The following PTPN21 variants were observed in gnomAD, a reference collection of about 807,000 sequenced individuals.
The protein encoded by PTPN21 is protein tyrosine phosphatase non-receptor type 21.
A neutral mutation model predicts 131.8 loss-of-function variants in PTPN21; 77 were observed. That is an observed-to-expected ratio of 0.58 (90% confidence interval 0.49 to 0.71). The LOEUF (loss-of-function observed/expected upper bound fraction) is 0.71. Among genes scored for constraint, PTPN21 ranks in the 30% least tolerant of loss-of-function variants. PTPN21 has a pLI of 0.00. For synonymous variants in PTPN21, 715 were observed against 621.3 expected (o/e 1.15, Z -2.24); for missense variants, 1,552 against 1,527.1 (o/e 1.02, Z -0.27).
rs182603633 is a variant in PTPN21, at chr14:88,496,352, T to G, written c.932+61A>C. The G allele has an allele frequency of 4.3e-5, 60 of 1,404,564 alleles. No individual in the cohort carries two copies. The East Asian group carries it at 1.4e-3, about 32-fold the overall frequency. The allele number at this position is 1,404,564 out of a possible 1,614,324, so 87.0% of individuals were successfully genotyped here. Reference sequence around the variant, plus strand: ...TGTCTTTCTTGATGATACAGTATACTCAAGATTACAATTTCTAAATTCATT... The same window carrying G: ...TGTCTTTCTTGATGATACAGTATACGCAAGATTACAATTTCTAAATTCATT... On this transcript the variant is annotated intron_variant, in intron 10 of 18. Transcript: ENST00000556564.
At chr14:88,527,695 T>C (rs1374094481) in intron 2 of PTPN21, among the ~76,000 whole-genome samples, 1 of 152,220 alleles carries the variant, frequency 6.6e-6, no homozygotes, top group African/African-American at 2.4e-5. Flanking sequence ...TTGCTGCATT[T>C]GTTTTTGGGT....
rs189995854 is a variant in PTPN21 at position 88,502,577 on chromosome 14, T to C, written c.588-1209A>G. 1.1e-3 allele frequency among the ~76,000 whole-genome samples: 175 copies of C among 152,304 alleles called. 4 individuals carry two copies. The highest frequency in any genetic ancestry group is 4.0e-3 in the African/African-American group (165 of 41,580). ...AGAAATTATTCTATTTATCTTTGTG[T>C]CATAGCATCCAGCACTCTTCCTCTG... On this transcript the variant is annotated intron_variant, in intron 6 of 18. Coordinates refer to ENST00000556564, the MANE Select transcript of PTPN21 (RefSeq NM_007039.4).
At chr14:88,522,427 C>CAAAAAAA (rs1177147324) in intron 2 of PTPN21, among the ~76,000 whole-genome samples, 5 of 42,182 alleles carry the variant, frequency 1.2e-4, no homozygotes, top group African/African-American at 2.5e-4. Context: ...AAGACTGTCT[C>CAAAAAAA]AAAAAAAAAA....
chr14:88,472,743 G>A (rs2077490663), intron 14 of PTPN21, among the ~76,000 whole-genome samples: 1 of 152,122 alleles, frequency 6.6e-6, no homozygotes, highest in Non-Finnish European at 1.5e-5. Context: ...GGTGGTGCAT[G>A]CCTGTGGTCC....
chr14:88,484,133 C>T (rs917675379), intron 12 of PTPN21, among the ~76,000 whole-genome samples: 1 of 151,878 alleles, frequency 6.6e-6, no homozygotes, highest in African/African-American at 2.4e-5. Flanking sequence ...AACCTCCACC[C>T]CCACCTTGGG....
chr14:88,469,166 G>C lies in PTPN21; in HGVS notation c.3236-90C>G. ...TCTTCATATTCTCTCCACTGATTAAGAGGACTGCAGATAAAGAGCACTGGG... is the reference window on the plus strand; with the variant it reads ...TCTTCATATTCTCTCCACTGATTAACAGGACTGCAGATAAAGAGCACTGGG... On this transcript the variant is annotated intron_variant, in intron 17 of 18. Transcript: ENST00000556564. This position sits in a 1 kb window ranked among gnomAD's most constrained non-coding sequence, Gnocchi z 4.3. 1.4e-6 allele frequency: 2 copies of C among 1,379,596 alleles called. No homozygotes were observed. The highest frequency in any genetic ancestry group is 2.0e-6 in the Non-Finnish European group (2 of 1,016,308). The allele number at this position is 1,379,596 out of a possible 1,614,324, so 85.5% of individuals were successfully genotyped here. A position where few individuals can be genotyped will look rare whatever the true frequency, so the allele number is the denominator to read the frequency against.
intron 1 of PTPN21, chr14:88,552,637 T>C (rs2078884225): frequency 6.6e-6 from 1 of 152,196 alleles, no homozygotes; most frequent in African/African-American, 2.4e-5. Flanking sequence ...CCTAAAGCAC[T>C]GTGTTAATTA....
chr14:88,493,049 G>T, intron 10 of PTPN21: 2 of 456,240 alleles, frequency 4.4e-6, no homozygotes, highest in South Asian at 3.1e-5. Context: ...ACAGGCTCGA[G>T]TCTTGCTGCT....
intron 15 of PTPN21, 94 bp from the exon 16 acceptor site, chr14:88,470,144 TA>T (rs1566805123): frequency 3.3e-6 from 4 of 1,222,382 alleles, no homozygotes; most frequent in South Asian, 1.4e-5. Context: ...AAAGTTTTTT[TA>T]AAAAAGTAAA....
intron 10 of PTPN21, among the ~76,000 whole-genome samples, chr14:88,495,532 T>C (rs2077898376): frequency 6.6e-6 from 1 of 152,082 alleles, no homozygotes; most frequent in African/African-American, 2.4e-5. Flanking sequence ...TGGTGGCGCA[T>C]GCCTGTAATC....
At position 88,480,092 on chromosome 14, in the gene PTPN21, G is replaced by A. The variant is rs551963846; in HGVS notation, c.1339C>T (p.Pro447Ser). 5.0e-6 allele frequency: 8 copies of A among 1,614,214 alleles called. No homozygotes were observed. The African/African-American group carries it at 6.7e-5, about 13-fold the overall frequency. Residue 447 changes from proline (P) to serine (S), a missense_variant, in exon 13 of 19, where the codon CCC (proline) becomes TCC (serine). By Grantham distance (74) the Pro-to-Ser change is moderately conservative. Coordinates refer to ENST00000556564, the MANE Select transcript of PTPN21 (RefSeq NM_007039.4). ...HSAVIPPSYR[P>S]TPDYETVMKQ... ...ATCACAGTCTCATAGTCTGGGGTGGGGCGGTAGGACGGGGGTATCACGGCG... is the reference window on the plus strand; with the variant it reads ...ATCACAGTCTCATAGTCTGGGGTGGAGCGGTAGGACGGGGGTATCACGGCG...
chr14:88,491,840 G>C (rs1296207050), intron 10 of PTPN21, among the ~76,000 whole-genome samples: 1 of 152,110 alleles, frequency 6.6e-6, no homozygotes, highest in Non-Finnish European at 1.5e-5. Context: ...ATTTTAAAAA[G>C]ATTCAGGTGT....
At chr14:88,527,619 C>T in intron 2 of PTPN21, among the ~76,000 whole-genome samples, 1 of 152,190 alleles carries the variant, frequency 6.6e-6, no homozygotes, top group Non-Finnish European at 1.5e-5. Context: ...TCTGTTTACT[C>T]TACTGATTAC....
chr14:88,473,620 G>A (rs773999764), intron 14 of PTPN21, 45 bp downstream of exon 14: 19 of 1,575,564 alleles, frequency 1.2e-5, no homozygotes, highest in South Asian at 3.6e-5. Flanking sequence ...AGTATTTACC[G>A]GTTGTTCCAG....
chr14:88,482,312 G>A (rs574020968), intron 12 of PTPN21, among the ~76,000 whole-genome samples: 9 of 152,180 alleles, frequency 5.9e-5, no homozygotes, highest in African/African-American at 2.2e-4. Flanking sequence ...GTGGAGTCTC[G>A]AACACCAGGC....
At chr14:88,535,343 G>C (rs1308584589) in intron 2 of PTPN21, among the ~76,000 whole-genome samples, 1 of 152,136 alleles carries the variant, frequency 6.6e-6, no homozygotes. Flanking sequence ...ACACATGGCT[G>C]TATTTCCCCC....
intron 1 of PTPN21, among the ~76,000 whole-genome samples, chr14:88,550,936 T>G (rs151120788): frequency 1.8e-4 from 27 of 152,328 alleles, no homozygotes; most frequent in African/African-American, 6.5e-4. Context: ...CTATTTTGGA[T>G]AAGGTGTTGT....
chr14:88,489,105 C>T (rs1378087595), intron 10 of PTPN21, among the ~76,000 whole-genome samples: 1 of 152,110 alleles, frequency 6.6e-6, no homozygotes, highest in African/African-American at 2.4e-5. Context: ...TGTGTCCAAC[C>T]TGCTCCCCAA....
Position 88,469,975 on chromosome 14 carries a change from G to A in PTPN21, c.2947C>T (p.Gln983Ter). Residue 983 changes from glutamine to a stop codon, truncating the protein, a stop_gained, in exon 16 of 19, where the codon CAG (glutamine) becomes TAG (stop). Transcript: ENST00000556564. LOFTEE classifies it high-confidence loss of function. This position sits in a 1 kb window ranked among gnomAD's most constrained non-coding sequence, Gnocchi z 4.3. ...GCAATTCCCTGTTCCCATACCATCT[G>A]CCAAAAATCTTGACAGGTATTCTGT... The part of the protein sequence containing the change: ...PLQNTCQDFW[Q>*]MVWEQGIAII... The A allele has an allele frequency of 6.2e-7, 1 of 1,613,916 alleles. No homozygotes were observed. The highest frequency in any genetic ancestry group is 1.1e-5 in the South Asian group (1 of 91,078).
Sources: gnomAD v4.1 joint callset for allele counts (sites outside exome capture counted in the v4.1 genomes callset) on GRCh38, gnomAD v4.1.1 for gene constraint, Gnocchi (gnomAD v3.1) non-coding constraint, MANE v1.5 for transcripts, NCBI Gene and HGNC (gene_info 2026-07-23, HGNC 2026-07-21) for gene names.